EHMT1: variants seen among roughly 807,000 people sequenced by gnomAD.
The protein encoded by EHMT1 is histone-lysine N-methyltransferase EHMT1.
A neutral mutation model predicts 147.2 loss-of-function variants in EHMT1; 15 were observed. That is an observed-to-expected ratio of 0.10 (90% CI 0.07 to 0.16). The LOEUF (loss-of-function observed/expected upper bound fraction) is 0.16. EHMT1 is among the 10% of genes least tolerant of loss of function. The probability of loss-of-function intolerance (pLI) is 1.00; values close to 1 mark genes in which losing one functional copy is unlikely to be tolerated. For missense variants in EHMT1, 1,587 were observed against 1,772.4 expected (o/e 0.90, Z 1.88); for synonymous variants, 795 against 709.6 (o/e 1.12, Z -1.91).
intron 16 of EHMT1, among the ~76,000 whole-genome samples, chr9:137,796,544 A>C (rs35558637): frequency 0.33 from 49,752 of 151,078 alleles, 8,456 homozygotes; most frequent in Admixed American, 0.43. Context: ...CTCTACTAAA[A>C]ATACAAAAAA....
At chr9:137,817,966 G>A (rs1006267000) in intron 24 of EHMT1, 94 bp from the exon 25 acceptor site, 17 of 1,210,832 alleles carry the variant, frequency 1.4e-5, no homozygotes, top group Non-Finnish European at 2.0e-5. Context: ...GGTGTGCCCT[G>A]CTCTTTCCCT....
rs115468234 is a variant in EHMT1, at chr9:137,770,412, C to T, written c.1648-4697C>T. Reference sequence around the variant, plus strand: ...TTGAAATTCCTCGTCTGTAGTACAACATTTCAGTCATCTCTGAGTGTGCTT... The same window carrying T: ...TTGAAATTCCTCGTCTGTAGTACAATATTTCAGTCATCTCTGAGTGTGCTT... On this transcript the variant is annotated intron_variant, in intron 10 of 26. Transcript: ENST00000460843. Among the ~76,000 whole-genome samples the T allele has an allele frequency of 8.0e-3, 1,222 of 152,354 alleles. 25 individuals are homozygous for T. Among genetic ancestry groups the T allele is most frequent in the African/African-American group, 0.028 (1,148 of 41,586 alleles).
intron 2 of EHMT1, chr9:137,715,515 C>T: frequency 1.0e-6 from 1 of 982,526 alleles, no homozygotes; most frequent in Non-Finnish European, 1.2e-6. Flanking sequence ...AGGTGATAAG[C>T]ACCAGGAAGA....
chr9:137,831,135 C>T (rs576281158), intron 25 of EHMT1, among the ~76,000 whole-genome samples: 7 of 152,196 alleles, frequency 4.6e-5, no homozygotes, highest in Non-Finnish European at 7.3e-5. Context: ...ATGACCTAAT[C>T]GCTTTCCCAA....
chr9:137,773,055 A>C (rs1440800373), intron 10 of EHMT1, among the ~76,000 whole-genome samples: 1 of 152,230 alleles, frequency 6.6e-6, no homozygotes, highest in Admixed American at 6.5e-5. Flanking sequence ...TTGTAAAAAT[A>C]ATGCATGCCG....
At chr9:137,709,977 C>T (rs981337905) in intron 1 of EHMT1, among the ~76,000 whole-genome samples, 32 of 152,156 alleles carry the variant, frequency 2.1e-4, no homozygotes, top group African/African-American at 7.2e-4. Context: ...CCAGAGTGGT[C>T]AGCAGCCCTC....
At chr9:137,739,856 G>A (rs1388489535) in intron 4 of EHMT1, among the ~76,000 whole-genome samples, 1 of 152,194 alleles carries the variant, frequency 6.6e-6, no homozygotes, top group African/African-American at 2.4e-5. Flanking sequence ...GTCTCTGTGT[G>A]GACTTGTCGG....
chr9:137,672,277 A>G (rs1589200053), intron 1 of EHMT1, among the ~76,000 whole-genome samples: 1 of 152,188 alleles, frequency 6.6e-6, no homozygotes, highest in Non-Finnish European at 1.5e-5. Context: ...TAGTAGGTTT[A>G]TTGTTATTTG....
chr9:137,684,905 AGTT>A (rs1942295386), intron 1 of EHMT1, among the ~76,000 whole-genome samples: 1 of 152,072 alleles, frequency 6.6e-6, no homozygotes, highest in South Asian at 2.1e-4. Context: ...TTACTCCACA[AGTT>A]ATTATTTTCT....
intron 9 of EHMT1, among the ~76,000 whole-genome samples, chr9:137,761,893 C>CT (rs1277106176): frequency 1.3e-5 from 2 of 152,280 alleles, no homozygotes; most frequent in African/African-American, 4.8e-5. Flanking sequence ...GCGGCACCCA[C>CT]TGTAGCCACT....
chr9:137,811,401 A>T, intron 18 of EHMT1, 60 bp from the exon 19 acceptor site: 1 of 1,604,240 alleles, frequency 6.2e-7, no homozygotes, highest in Non-Finnish European at 8.5e-7. Context: ...GCTGTGGCCC[A>T]GCCCCAGCAC....
At chr9:137,622,426 C>T (rs1323198201) in intron 1 of EHMT1, among the ~76,000 whole-genome samples, 2 of 152,116 alleles carry the variant, frequency 1.3e-5, no homozygotes, top group Non-Finnish European at 1.5e-5. Context: ...GGCCGATCAT[C>T]TTCTGTCTTT....
chr9:137,818,288 G>T lies in EHMT1; in HGVS notation c.3540+150G>T, dbSNP rs1046005075. ...AGACCTGCTGAGTGCCGCATTTGGAGCTGGCCTTGGTTCTGTGCCCTGCAT... is the reference window on the plus strand; with the variant it reads ...AGACCTGCTGAGTGCCGCATTTGGATCTGGCCTTGGTTCTGTGCCCTGCAT... On this transcript the variant is annotated intron_variant, in intron 25 of 26. Transcript: ENST00000460843. 9 of 891,268 alleles carry T rather than the reference G, an allele frequency of 1.0e-5. No homozygotes were observed. In the East Asian group the frequency reaches 1.3e-4, roughly 13 times the overall value. The allele number at this position is 891,268 out of a possible 1,614,324, so 55.2% of individuals were successfully genotyped here. A position where few individuals can be genotyped will look rare whatever the true frequency, so the allele number is the denominator to read the frequency against.
intron 3 of EHMT1, among the ~76,000 whole-genome samples, chr9:137,722,008 C>T (rs1315292685): frequency 6.6e-6 from 1 of 150,974 alleles, no homozygotes; most frequent in East Asian, 1.9e-4. Context: ...CTTACGTGAA[C>T]TTTAAATCTG....
intron 10 of EHMT1, among the ~76,000 whole-genome samples, chr9:137,769,196 G>GT (rs1950439347): frequency 6.6e-6 from 1 of 152,008 alleles, no homozygotes; most frequent in Admixed American, 6.5e-5. Flanking sequence ...CTTGTATCTT[G>GT]TTTCTGCGTT....
chr9:137,754,187 T>G lies in EHMT1; in HGVS notation c.1265T>G (p.Ile422Ser), dbSNP rs1564697100. The change falls in exon 8 of 27, where the codon ATT becomes AGT. Residue 422 changes from isoleucine to serine, a missense_variant. Around this residue, in one of 7 missense-constraint regions of EHMT1, gnomAD observed 810 missense variants for 673.0 expected, o/e 1.20. Coordinates refer to ENST00000460843, the MANE Select transcript of EHMT1 (RefSeq NM_024757.5). ...DESDLSSESS[I>S]KKKFLKRKGK... is the part of the protein sequence containing the mutation. ...GTTCTCCAGAGTTCGGAATCCAGCA[T>G]TAAGAAGAAATTTCTCAAGAGGAAA... is the stretch of plus-strand genomic sequence containing the variant. 1.2e-6 allele frequency: 2 copies of G among 1,614,102 alleles called. No individual in the cohort carries two copies. Among genetic ancestry groups the G allele is most frequent in the South Asian group, 2.2e-5 (2 of 91,084 alleles).
intron 1 of EHMT1, among the ~76,000 whole-genome samples, chr9:137,670,235 C>T (rs1940413907): frequency 2.0e-5 from 3 of 152,182 alleles, no homozygotes; most frequent in Non-Finnish European, 4.4e-5. Context: ...CCAAACTCCT[C>T]CAAAGATTTG....
At chr9:137,725,014 A>G (rs1428180858) in intron 3 of EHMT1, among the ~76,000 whole-genome samples, 7 of 137,286 alleles carry the variant, frequency 5.1e-5, no homozygotes, top group African/African-American at 2.0e-4. Context: ...GGCGTGTCAC[A>G]TGGGGCAGGC....
In EHMT1 at chr9:137,650,285, A is replaced by G. The variant is rs115051061; in HGVS notation, c.21+31236A>G. On this transcript the variant is annotated intron_variant, in intron 1 of 26. Coordinates refer to ENST00000460843, the MANE Select transcript of EHMT1 (RefSeq NM_024757.5). ...CAGCTAATTTAAACATTTTTTTTAG[A>G]ATGGGGTTTCACCATGTTGCCCAGG... 3.7e-3 allele frequency among the ~76,000 whole-genome samples: 557 copies of G among 152,078 alleles called. 3 individuals are homozygous for G. The highest frequency in any genetic ancestry group is 0.013 in the African/African-American group (526 of 41,512).
Sources: gnomAD v4.1 joint callset for allele counts (sites outside exome capture counted in the v4.1 genomes callset) on GRCh38, gnomAD v4.1.1 for gene constraint, gnomAD v4.1.1 regional missense constraint, MANE v1.5 for transcripts, NCBI Gene and HGNC (gene_info 2026-07-23, HGNC 2026-07-21) for gene names.